The following RPS6KC1 variants were observed in gnomAD, a reference collection of about 807,000 sequenced individuals.
RPS6KC1 encodes the protein ribosomal protein S6 kinase C1, also known as inactive ribosomal protein S6 kinase delta-1.
A neutral mutation model predicts 103.8 loss-of-function variants in RPS6KC1; 54 were observed. The ratio of observed to expected loss-of-function variants is 0.52; its 90% CI spans 0.42 to 0.65. The LOEUF (loss-of-function observed/expected upper bound fraction) is 0.65, where lower values mean the gene tolerates loss of function less well. RPS6KC1 is among the 30% of genes least tolerant of loss of function. The probability of loss-of-function intolerance (pLI) is 0.00; values close to 1 mark genes in which losing one functional copy is unlikely to be tolerated. For synonymous variants in RPS6KC1, 439 were observed against 438.7 expected (o/e 1.00, Z -0.01); for missense variants, 1,151 against 1,253.8 (o/e 0.92, Z 1.24).
chr1:213,783,948 T>C, the RPS6KC1 span, among the ~76,000 whole-genome samples: 4 of 152,066 alleles, frequency 2.6e-5, no homozygotes, highest in Non-Finnish European at 5.9e-5. Flanking sequence ...CAGTTTAGAG[T>C]TTCCTTGAGA....
chr1:213,526,750 C>T, the RPS6KC1 span, among the ~76,000 whole-genome samples: 10 of 152,030 alleles, frequency 6.6e-5, no homozygotes, highest in African/African-American at 2.2e-4. Context: ...TAGGACAGTT[C>T]GGGGGACAGG....
chr1:213,668,777 A>G, the RPS6KC1 span, among the ~76,000 whole-genome samples: 43 of 152,310 alleles, frequency 2.8e-4, no homozygotes, highest in African/African-American at 1.0e-3. Flanking sequence ...CAATGATCCT[A>G]GTTAGATCTT....
At chr1:213,554,563 C>A in the RPS6KC1 span, among the ~76,000 whole-genome samples, 1 of 152,106 alleles carries the variant, frequency 6.6e-6, no homozygotes, top group African/African-American at 2.4e-5. Flanking sequence ...CTGAATATCA[C>A]AATTGTTTAA....
chr1:213,509,842 C>A, the RPS6KC1 span, among the ~76,000 whole-genome samples: 1 of 135,264 alleles, frequency 7.4e-6, no homozygotes, highest in East Asian at 1.9e-4. Flanking sequence ...TTCTTGCAGC[C>A]ATTTTTATCT....
the RPS6KC1 span, among the ~76,000 whole-genome samples, chr1:213,394,780 G>C: frequency 0.9 from 136,719 of 152,232 alleles, 61,525 homozygotes; most frequent in East Asian, 0.99. Flanking sequence ...CTCTCTCCAC[G>C]CACTCGCAAG....
the RPS6KC1 span, among the ~76,000 whole-genome samples, chr1:213,542,311 C>G: frequency 6.6e-6 from 1 of 152,194 alleles, no homozygotes; most frequent in Non-Finnish European, 1.5e-5. Flanking sequence ...TATGTCCATT[C>G]CAGTCAGTCT....
chr1:213,698,176 G>C, the RPS6KC1 span, among the ~76,000 whole-genome samples: 1 of 152,152 alleles, frequency 6.6e-6, no homozygotes, highest in East Asian at 1.9e-4. Flanking sequence ...CGTACATTGA[G>C]GACTATCTGT....
the RPS6KC1 span, among the ~76,000 whole-genome samples, chr1:213,567,634 C>T: frequency 6.6e-6 from 1 of 152,158 alleles, no homozygotes; most frequent in Admixed American, 6.5e-5. Flanking sequence ...CCATACAATA[C>T]CAGAAATGAA....
intron 10 of RPS6KC1, among the ~76,000 whole-genome samples, chr1:213,233,783 T>A (rs2094157861): frequency 6.6e-6 from 1 of 152,202 alleles, no homozygotes; most frequent in Non-Finnish European, 1.5e-5. Flanking sequence ...CCTTCTTTAC[T>A]ATCGAGCATA....
the RPS6KC1 span, among the ~76,000 whole-genome samples, chr1:213,671,953 T>TA: frequency 0.4 from 58,165 of 146,930 alleles, 13,333 homozygotes; most frequent in South Asian, 0.69. Flanking sequence ...AAAATAAAGC[T>TA]AAAAAAAAAA....
chr1:213,409,875 T>C, the RPS6KC1 span, among the ~76,000 whole-genome samples: 1 of 152,186 alleles, frequency 6.6e-6, no homozygotes, highest in African/African-American at 2.4e-5. Context: ...AGTGTTATAA[T>C]TGCTGGGCTG....
At chr1:213,202,906 A>G (rs915042287) in intron 8 of RPS6KC1, among the ~76,000 whole-genome samples, 4 of 152,196 alleles carry the variant, frequency 2.6e-5, no homozygotes, top group Non-Finnish European at 4.4e-5. Flanking sequence ...ATAGTTTTCT[A>G]CTATGTACTG....
the RPS6KC1 span, among the ~76,000 whole-genome samples, chr1:213,619,794 C>T: frequency 1.3e-5 from 2 of 152,086 alleles, no homozygotes; most frequent in African/African-American, 4.8e-5. Context: ...ATGCAATTGA[C>T]ATTTGAGAAA....
chr1:213,448,104 G>A, the RPS6KC1 span, among the ~76,000 whole-genome samples: 6 of 151,684 alleles, frequency 4.0e-5, no homozygotes, highest in Non-Finnish European at 8.8e-5. Context: ...TAGGTGTGGT[G>A]GAATGTGCGT....
chr1:213,385,162 A>C, the RPS6KC1 span, among the ~76,000 whole-genome samples: 1 of 152,226 alleles, frequency 6.6e-6, no homozygotes, highest in African/African-American at 2.4e-5. Flanking sequence ...ACAGATGATG[A>C]TAAGCGACTG....
chr1:213,334,432 A>G, the RPS6KC1 span, among the ~76,000 whole-genome samples: 1 of 152,034 alleles, frequency 6.6e-6, no homozygotes, highest in Non-Finnish European at 1.5e-5. Flanking sequence ...ACTGTGGACC[A>G]TACAGATATA....
At chr1:213,133,868 A>G (rs1287008786) in intron 6 of RPS6KC1, among the ~76,000 whole-genome samples, 2 of 152,270 alleles carry the variant, frequency 1.3e-5, no homozygotes, top group East Asian at 3.9e-4. Flanking sequence ...TACTTCTCAC[A>G]TGTTCCTCCT....
chr1:213,602,130 CTTTCTT>C, the RPS6KC1 span, among the ~76,000 whole-genome samples: 2 of 48,078 alleles, frequency 4.2e-5, no homozygotes, highest in Admixed American at 2.5e-4. Context: ...CTCTTTCTTT[CTTTCTT>C]TCTTTCTTTC....
intron 3 of RPS6KC1, among the ~76,000 whole-genome samples, chr1:213,085,696 T>C (rs916161101): frequency 6.6e-6 from 1 of 152,026 alleles, no homozygotes; most frequent in Non-Finnish European, 1.5e-5. Flanking sequence ...CGTTTCTCTG[T>C]GTATCTATAG....
Sources: gnomAD v4.1 joint callset for allele counts (sites outside exome capture counted in the v4.1 genomes callset) on GRCh38, gnomAD v4.1.1 for gene constraint, MANE v1.5 for transcripts, NCBI Gene and HGNC (gene_info 2026-07-23, HGNC 2026-07-21) for gene names.